The following LRRN3 variants were observed in gnomAD, a reference collection of about 807,000 sequenced individuals.
LRRN3 encodes leucine rich repeat neuronal 3, also known as leucine-rich repeat neuronal protein 3.
A neutral mutation model predicts 40.1 loss-of-function variants in LRRN3; 15 were observed. That is an observed-to-expected ratio of 0.37 (90% CI 0.25 to 0.58). LRRN3 has a LOEUF of 0.58. Among genes scored for constraint, LRRN3 ranks in the 20% least tolerant of loss-of-function variants. LRRN3 has a pLI of 0.72. For missense variants in LRRN3, 746 were observed against 837.7 expected, an observed-to-expected ratio of 0.89 and a Z score of 1.35; for synonymous variants, 308 against 297.2, an observed-to-expected ratio of 1.04 and a Z score of -0.37.
intron 2 of LRRN3, among the ~76,000 whole-genome samples, chr7:111,103,587 T>C (rs1798216474): frequency 1.3e-5 from 2 of 151,814 alleles, no homozygotes; most frequent in South Asian, 2.1e-4. Context: ...TAAGTAGTTC[T>C]ATTTTGTTCT....
At chr7:111,117,631 A>G (rs1800044953) in intron 2 of LRRN3, among the ~76,000 whole-genome samples, 1 of 152,244 alleles carries the variant, frequency 6.6e-6, no homozygotes, top group East Asian at 1.9e-4. Context: ...TGCATTTAGT[A>G]TAATTCAACA....
At chr7:111,107,398 G>A (rs999056536) in intron 2 of LRRN3, among the ~76,000 whole-genome samples, 24 of 151,958 alleles carry the variant, frequency 1.6e-4, no homozygotes, top group Admixed American at 1.4e-3. Context: ...AGTCACAGGG[G>A]AATATGGGCA....
intron 1 of LRRN3, among the ~76,000 whole-genome samples, chr7:111,095,213 A>T (rs2129578574): frequency 1.3e-5 from 2 of 152,130 alleles, no homozygotes; most frequent in African/African-American, 4.8e-5. Flanking sequence ...AGCTAGTCTA[A>T]TATGTTCATT....
chr7:111,095,401 A>C (rs1653414787), intron 1 of LRRN3, among the ~76,000 whole-genome samples: 1 of 151,990 alleles, frequency 6.6e-6, no homozygotes, highest in African/African-American at 2.4e-5. Flanking sequence ...ATGTTTTCTC[A>C]AAAACCTCCT....
chr7:111,117,786 G>C (rs1329105400), intron 2 of LRRN3, among the ~76,000 whole-genome samples: 1 of 151,944 alleles, frequency 6.6e-6, no homozygotes, highest in East Asian at 1.9e-4. Context: ...TAGAAGAAAA[G>C]GAAAAACTGG....
intron 2 of LRRN3, among the ~76,000 whole-genome samples, chr7:111,107,061 T>C (rs1268400046): frequency 1.3e-5 from 2 of 151,926 alleles, no homozygotes; most frequent in Non-Finnish European, 2.9e-5. Context: ...AAGAGACAGT[T>C]AAGCTGCAAT....
In LRRN3 at chr7:111,123,639, G is replaced by A. The variant is rs150310313; in HGVS notation, c.867G>A (p.Leu289=). 6.4e-5 allele frequency: 103 copies of A among 1,613,820 alleles called. No homozygotes were observed. The African/African-American group carries it at 1.3e-3, about 20-fold the overall frequency. ...GCAATATGCTACACTTAAAAGAGTT[G>A]GGGATAAATAATATGCCTGAGCTGA... ...DFSNMLHLKE[L]GINNMPELIS... is the part of the protein sequence containing the mutation. Residue 289 remains leucine, a synonymous_variant, in exon 3 of 3, where the codon TTG becomes TTA. Coordinates refer to ENST00000308478, the MANE Select transcript of LRRN3 (RefSeq NM_001099658.2). The surrounding 1 kb of genome is among the most constrained non-coding windows in gnomAD (Gnocchi z 6.4).
In LRRN3 at chr7:111,124,410, A is replaced by G; in HGVS notation, c.1638A>G (p.Lys546=). 6.2e-7 allele frequency: 1 copy of G among 1,613,802 alleles called. No homozygotes were observed. The highest frequency in any genetic ancestry group is 8.5e-7 in the Non-Finnish European group (1 of 1,179,950). ...TGGTGTCCTGGAAAGCAAGTTCTAA[A>G]ATTCTCAAATCTAGTGTTAAATGGA... The part of the protein sequence containing the change: ...SVLVSWKASS[K]ILKSSVKWTA... Residue 546 remains lysine (K), a synonymous_variant, in exon 3 of 3, where the codon AAA becomes AAG. Coordinates refer to ENST00000308478, the MANE Select transcript of LRRN3 (RefSeq NM_001099658.2).
intron 2 of LRRN3, among the ~76,000 whole-genome samples, chr7:111,102,401 G>T (rs1798072482): frequency 6.6e-6 from 1 of 151,420 alleles, no homozygotes; most frequent in South Asian, 2.1e-4. Flanking sequence ...TTAGCTGCTG[G>T]AGTTTAGCAG....
chr7:111,099,134 C>A lies in LRRN3; in HGVS notation c.-440-747C>A, dbSNP rs1035596997. ...ACTTCCTCTATCATCATTTTTCCAT[C>A]GAGTGGAAGTCAACATACTTCTTCA... On this transcript the variant is annotated intron_variant, in intron 1 of 2. Coordinates refer to ENST00000308478, the MANE Select transcript of LRRN3 (RefSeq NM_001099658.2). Among the ~76,000 whole-genome samples the A allele has an allele frequency of 2.6e-5, 4 of 151,732 alleles. No homozygotes were observed. The South Asian group carries it at 8.3e-4, about 31-fold the overall frequency.
intron 2 of LRRN3, among the ~76,000 whole-genome samples, chr7:111,104,771 C>A (rs1798358618): frequency 6.6e-6 from 1 of 151,774 alleles, no homozygotes; most frequent in African/African-American, 2.4e-5. Context: ...CACTTCCTAT[C>A]AAATTAAAAA....
intron 2 of LRRN3, among the ~76,000 whole-genome samples, chr7:111,115,994 A>G (rs1312590831): frequency 2.0e-5 from 3 of 152,170 alleles, no homozygotes; most frequent in Non-Finnish European, 2.9e-5. Context: ...TTGTTTAAAG[A>G]AAACTATCCC....
rs1377554599 is a variant in LRRN3 at position 111,092,225 on chromosome 7, A to ACTGC, written c.-441+723_-441+726dup. Among the ~76,000 whole-genome samples, 8 of 152,182 alleles carry ACTGC rather than the reference A, an allele frequency of 5.3e-5. No homozygotes were observed. The East Asian group carries it at 1.5e-3, about 29-fold the overall frequency. ...ATGTCTGATTGCTAATGCAGCTGGA[A>ACTGC]CTGCCACACACTAGGTGAAAGGATC... is the stretch of plus-strand genomic sequence containing the variant. On this transcript the variant is annotated intron_variant, in intron 1 of 2. Coordinates refer to ENST00000308478, the MANE Select transcript of LRRN3 (RefSeq NM_001099658.2).
At chr7:111,117,159 G>C (rs954933215) in intron 2 of LRRN3, among the ~76,000 whole-genome samples, 1 of 152,072 alleles carries the variant, frequency 6.6e-6, no homozygotes, top group Non-Finnish European at 1.5e-5. Context: ...CATGGGACTA[G>C]AGTATTGAAT....
Position 111,123,431 on chromosome 7 carries a change from C to G in LRRN3, c.659C>G (p.Ala220Gly). Residue 220 changes from alanine to glycine, a missense_variant, in exon 3 of 3, where the codon GCT becomes GGT. Ala to Gly is a moderately conservative substitution (Grantham distance 60). Transcript: ENST00000308478. This position sits in a 1 kb window ranked among gnomAD's most constrained non-coding sequence, Gnocchi z 6.4. ...ATCAATCTTCGCAGCCTGGTTATAG[C>G]TGGTATAAACCTCACAGAAATACCA... ...PLINLRSLVIAGINLTEIPDN... is the reference protein window; with the variant it reads ...PLINLRSLVIGGINLTEIPDN... The G allele has an allele frequency of 1.2e-6, 2 of 1,613,418 alleles. No individual in the cohort carries two copies.
chr7:111,107,855 C>T (rs1478267742), intron 2 of LRRN3, among the ~76,000 whole-genome samples: 1 of 152,092 alleles, frequency 6.6e-6, no homozygotes, highest in Non-Finnish European at 1.5e-5. Context: ...ATATTATAGA[C>T]TCTAGCATGC....
intron 2 of LRRN3, among the ~76,000 whole-genome samples, chr7:111,111,299 T>TAAA (rs751990466): frequency 1.5e-4 from 14 of 92,244 alleles, no homozygotes; most frequent in African/African-American, 2.3e-4. Context: ...GTAGCAGTTG[T>TAAA]AAAAAAAAAA....
intron 2 of LRRN3, among the ~76,000 whole-genome samples, chr7:111,112,504 C>A (rs1474337814): frequency 6.6e-6 from 1 of 152,178 alleles, no homozygotes; most frequent in African/African-American, 2.4e-5. Context: ...TGCACACAGC[C>A]ATAAATATGG....
intron 2 of LRRN3, among the ~76,000 whole-genome samples, chr7:111,114,955 C>T (rs1269762745): frequency 6.6e-6 from 1 of 152,028 alleles, no homozygotes; most frequent in African/African-American, 2.4e-5. Flanking sequence ...ATTTTACAGA[C>T]AGGCATCACC....
Sources: allele counts gnomAD v4.1 joint callset (sites outside exome capture counted in the v4.1 genomes callset), GRCh38; gene constraint gnomAD v4.1.1; non-coding constraint Gnocchi (gnomAD v3.1); transcripts MANE v1.5; gene names NCBI Gene and HGNC (gene_info 2026-07-23, HGNC 2026-07-21).